Variants in ADTRP observed in about 807,000 individuals in gnomAD.
ADTRP encodes the protein androgen-dependent TFPI-regulating protein.
In ADTRP, 20 loss-of-function variants were observed where a neutral mutation model predicts 27.0. The observed-to-expected ratio is 0.74, with a 90% CI of 0.52 to 1.08. ADTRP has a LOEUF of 1.08. Among genes scored for constraint, ADTRP ranks in the 50% least tolerant of loss-of-function variants. ADTRP has a pLI of 0.00. For synonymous variants in ADTRP, 101 were observed against 105.2 expected (o/e 0.96, Z 0.25); for missense variants, 251 against 275.0 (o/e 0.91, Z 0.62).
intron 3 of ADTRP, among the ~76,000 whole-genome samples, chr6:11,754,473 A>G (rs1476434391): frequency 6.6e-6 from 1 of 152,222 alleles, no homozygotes; most frequent in African/African-American, 2.4e-5. Context: ...TCAGAAACTC[A>G]AGATGAGAAA....
At chr6:11,764,327 AC>A (rs1207472189) in intron 3 of ADTRP, among the ~76,000 whole-genome samples, 7 of 152,226 alleles carry the variant, frequency 4.6e-5, no homozygotes, top group African/African-American at 1.4e-4. Context: ...CTTTACATCA[AC>A]CCTGAAGTGG....
intron 3 of ADTRP, among the ~76,000 whole-genome samples, chr6:11,743,287 C>T (rs1251703557): frequency 1.3e-5 from 2 of 152,242 alleles, no homozygotes; most frequent in African/African-American, 4.8e-5. Context: ...CCAGCCTCTC[C>T]TTAACACACA....
intron 4 of ADTRP, among the ~76,000 whole-genome samples, chr6:11,727,630 C>G (rs892332045): frequency 1.3e-5 from 2 of 152,076 alleles, no homozygotes; most frequent in African/African-American, 2.4e-5. Context: ...TTTCTGTTTA[C>G]TTCATGTTTG....
At chr6:11,726,802 A>T (rs779726294) in intron 4 of ADTRP, among the ~76,000 whole-genome samples, 2 of 152,156 alleles carry the variant, frequency 1.3e-5, no homozygotes, top group African/African-American at 2.4e-5. Context: ...AATCACTTAA[A>T]ATCGTTAAAG....
chr6:11,718,026 C>T (rs1200691391), intron 5 of ADTRP, among the ~76,000 whole-genome samples: 1 of 152,238 alleles, frequency 6.6e-6, no homozygotes, highest in Non-Finnish European at 1.5e-5. Flanking sequence ...ATTAGATGGC[C>T]TCTAGGCAGC....
At chr6:11,768,207 T>A (rs777786753) in intron 2 of ADTRP, 42 bp downstream of exon 2, 2 of 1,610,602 alleles carry the variant, frequency 1.2e-6, no homozygotes, top group Non-Finnish European at 1.7e-6. Context: ...TCTGTCCATA[T>A]GCACATTTCT....
chr6:11,734,049 TA>T (rs1176293660), intron 4 of ADTRP, among the ~76,000 whole-genome samples: 2 of 152,128 alleles, frequency 1.3e-5, no homozygotes, highest in African/African-American at 4.8e-5. Context: ...CACTTGGCAA[TA>T]AAAGAGTAAG....
chr6:11,766,215 G>A (rs971562440), intron 3 of ADTRP, 59 bp downstream of exon 3: 2 of 1,274,574 alleles, frequency 1.6e-6, no homozygotes, highest in Non-Finnish European at 2.2e-6. Context: ...AGGCACTGTG[G>A]AGTTTTCAGT....
intron 3 of ADTRP, among the ~76,000 whole-genome samples, chr6:11,754,397 C>T (rs1763149653): frequency 6.6e-6 from 1 of 152,076 alleles, no homozygotes; most frequent in African/African-American, 2.4e-5. Flanking sequence ...AAAACAAGGA[C>T]CTTCTCTATA....
intron 1 of ADTRP, among the ~76,000 whole-genome samples, chr6:11,772,101 C>T (rs974776254): frequency 3.9e-5 from 6 of 152,172 alleles, no homozygotes; most frequent in Admixed American, 2.6e-4. Flanking sequence ...CTATTTTGGC[C>T]GCCCAGAAAA....
chr6:11,769,060 G>C (rs1017654845), intron 1 of ADTRP, among the ~76,000 whole-genome samples: 1 of 152,134 alleles, frequency 6.6e-6, no homozygotes, highest in African/African-American at 2.4e-5. Context: ...CCAAAGCCAG[G>C]AGAAAGAGAA....
chr6:11,772,237 G>A (rs1405940035), intron 1 of ADTRP, among the ~76,000 whole-genome samples: 3 of 152,204 alleles, frequency 2.0e-5, no homozygotes, highest in Non-Finnish European at 2.9e-5. Flanking sequence ...TTCCTGAAAT[G>A]CTGCTTCTGA....
rs1415575151 is a variant in ADTRP at position 11,727,960 on chromosome 6, AGG to A, written c.507-4462_507-4461del. 2.3e-3 allele frequency among the ~76,000 whole-genome samples: 186 copies of A among 80,454 alleles called. 2 individuals are homozygous for A. The highest frequency in any genetic ancestry group is 0.011 in the African/African-American group (180 of 16,568). 52.8% of individuals were successfully genotyped at this position (80,454 alleles called of 152,430 possible). On this transcript the variant is annotated intron_variant, in intron 4 of 5. Coordinates refer to ENST00000414691, the MANE Select transcript of ADTRP (RefSeq NM_032744.4). ...ACGGAAAGAAGGAAGGAAGGGAGGC[AGG>A]GAGGGAGGGAGGTAGGTAGGGAGGG...
chr6:11,732,602 T>C lies in ADTRP; in HGVS notation c.506+2966A>G, dbSNP rs114297160. Among the ~76,000 whole-genome samples, 122 of 152,312 alleles carry C rather than the reference T, an allele frequency of 8.0e-4. 1 individual carries two copies. The highest frequency in any genetic ancestry group is 2.9e-3 in the African/African-American group (120 of 41,574). On this transcript the variant is annotated intron_variant, in intron 4 of 5. Coordinates refer to ENST00000414691, the MANE Select transcript of ADTRP (RefSeq NM_032744.4). Reference sequence around the variant, plus strand: ...AACAGGATCACATCAAACACCCTCCTTTAAGTGTCTATATTTGATTTGTTC... The same window carrying C: ...AACAGGATCACATCAAACACCCTCCCTTAAGTGTCTATATTTGATTTGTTC...
rs1364138761 is a variant in ADTRP at position 11,768,396 on chromosome 6, C to T, written c.154-13G>A. 2 of 1,613,440 alleles carry T rather than the reference C, an allele frequency of 1.2e-6. No individual in the cohort carries two copies. The highest frequency in any genetic ancestry group is 1.7e-6 in the Non-Finnish European group (2 of 1,179,824). Reference sequence around the variant, plus strand: ...TGGTCTGCAAGAGCTAAATCCATTACAACAAATGAGGGCATTTTCATTTAC... The same window carrying T: ...TGGTCTGCAAGAGCTAAATCCATTATAACAAATGAGGGCATTTTCATTTAC... On this transcript the variant is annotated splice_polypyrimidine_tract_variant and intron_variant, in intron 1 of 5. Transcript: ENST00000414691.
intron 3 of ADTRP, among the ~76,000 whole-genome samples, chr6:11,759,051 C>A (rs549510927): frequency 6.6e-6 from 1 of 152,178 alleles, no homozygotes; most frequent in Non-Finnish European, 1.5e-5. Context: ...GAAGGGCAAT[C>A]CTGCTCACCT....
At chr6:11,735,104 T>C (rs1762507432) in intron 4 of ADTRP, among the ~76,000 whole-genome samples, 1 of 152,248 alleles carries the variant, frequency 6.6e-6, no homozygotes, top group African/African-American at 2.4e-5. Context: ...CTAGGAGCTC[T>C]GATGCCAGCT....
chr6:11,755,847 T>C (rs1763199431), intron 3 of ADTRP, among the ~76,000 whole-genome samples: 1 of 152,228 alleles, frequency 6.6e-6, no homozygotes, highest in African/African-American at 2.4e-5. Flanking sequence ...ATGATTCCAC[T>C]TTATTTCTGC....
chr6:11,760,171 TTG>T (rs1460979096), intron 3 of ADTRP, among the ~76,000 whole-genome samples: 1 of 152,200 alleles, frequency 6.6e-6, no homozygotes, highest in Non-Finnish European at 1.5e-5. Context: ...TGTTTATTTA[TTG>T]TGTGTTTACT....
Sources: gnomAD v4.1 joint callset for allele counts (sites outside exome capture counted in the v4.1 genomes callset) on GRCh38, gnomAD v4.1.1 for gene constraint, MANE v1.5 for transcripts, NCBI Gene and HGNC (gene_info 2026-07-23, HGNC 2026-07-21) for gene names.